STARD9: variants seen among roughly 807,000 people sequenced by gnomAD.
The protein encoded by STARD9 is stAR-related lipid transfer protein 9.
STARD9 carries 346 observed loss-of-function variants against 399.8 expected under a neutral mutation model. The ratio of observed to expected loss-of-function variants is 0.87; its 90% CI spans 0.79 to 0.95. The LOEUF is 0.95. Among genes scored for constraint, STARD9 ranks in the 40% least tolerant of loss-of-function variants. The pLI is 0.00. For missense variants in STARD9, 5,832 were observed against 5,667.5 expected, an observed-to-expected ratio of 1.03 and a Z score of -0.93; for synonymous variants, 2,203 against 2,143.5, an observed-to-expected ratio of 1.03 and a Z score of -0.77.
In STARD9 at chr15:42,692,806, C is replaced by T. The variant is rs1405226633; in HGVS notation, c.11228C>T (p.Pro3743Leu). ...DEGSQTDLTL[P>L]TLCLQTSEAE... ...GGCAGCCAGACTGACCTCACCTTAC[C>T]CACCCTGTGCCTCCAGACTTCAGAG... Residue 3743 changes from proline to leucine, a missense_variant, in exon 23 of 33, where the codon CCC (proline) becomes CTC (leucine). This residue lies in a region of STARD9 where 5,828 missense variants were observed against 5,651.1 expected (regional missense o/e 1.03). Transcript: ENST00000290607. The T allele has an allele frequency of 2.0e-6, 3 of 1,537,174 alleles. No individual in the cohort carries two copies. Among genetic ancestry groups the T allele is most frequent in the South Asian group, 2.4e-5 (2 of 84,042 alleles).
chr15:42,716,332 G>T (rs1166770447), intron 26 of STARD9, among the ~76,000 whole-genome samples: 2 of 151,960 alleles, frequency 1.3e-5, no homozygotes, highest in African/African-American at 4.8e-5. Context: ...CATTCCTGTT[G>T]CCCGGGTGGT....
chr15:42,617,055 G>A (rs1202837312), intron 3 of STARD9, among the ~76,000 whole-genome samples: 1 of 152,112 alleles, frequency 6.6e-6, no homozygotes, highest in Non-Finnish European at 1.5e-5. Context: ...GATCTAAAAT[G>A]CTGGTTTTGA....
intron 26 of STARD9, among the ~76,000 whole-genome samples, chr15:42,713,552 G>T (rs1469819787): frequency 6.6e-6 from 1 of 152,132 alleles, no homozygotes; most frequent in Admixed American, 6.5e-5. Context: ...CCTTTATCAG[G>T]TTGAGGAAAT....
chr15:42,685,245 T>C lies in STARD9; in HGVS notation c.3667T>C (p.Phe1223Leu). 1 of 1,537,330 alleles carries C rather than the reference T, an allele frequency of 6.5e-7. No homozygotes were observed. Among genetic ancestry groups the C allele is most frequent in the Non-Finnish European group, 8.7e-7 (1 of 1,146,930 alleles). Residue 1223 changes from phenylalanine (F) to leucine (L), a missense_variant, in exon 23 of 33, where the codon TTC becomes CTC. Coordinates refer to ENST00000290607, the MANE Select transcript of STARD9 (RefSeq NM_020759.3). ...ELGEDQQEEP[F>L]PGSADEIPTE... The stretch of plus-strand genomic sequence containing the variant: ...GGGGGAAGATCAGCAAGAAGAACCT[T>C]TCCCTGGTTCAGCTGACGAGATACC...
At chr15:42,594,726 A>G (rs975227242) in intron 3 of STARD9, among the ~76,000 whole-genome samples, 1 of 152,334 alleles carries the variant, frequency 6.6e-6, no homozygotes, top group African/African-American at 2.4e-5. Context: ...GGTAGGGGCC[A>G]TGGACTGCAA....
At chr15:42,585,699 G>A (rs1171219527) in intron 3 of STARD9, 62 bp downstream of exon 3, 5 of 1,065,976 alleles carry the variant, frequency 4.7e-6, no homozygotes, top group Non-Finnish European at 6.9e-6. Flanking sequence ...TATTTAAGAT[G>A]TTTATTATAA....
intron 3 of STARD9, among the ~76,000 whole-genome samples, chr15:42,603,489 A>C (rs1355916785): frequency 6.6e-6 from 1 of 152,118 alleles, no homozygotes; most frequent in Non-Finnish European, 1.5e-5. Flanking sequence ...TCTTGTAATC[A>C]CCAGATTACA....
At chr15:42,661,733 A>G (rs2059997334) in intron 10 of STARD9, among the ~76,000 whole-genome samples, 1 of 151,788 alleles carries the variant, frequency 6.6e-6, no homozygotes, top group African/African-American at 2.4e-5. Flanking sequence ...CTGGGATTAC[A>G]AGCGTGAGCC....
At chr15:42,676,010 A>C in intron 20 of STARD9, 35 bp downstream of exon 20, 1 of 774,938 alleles carries the variant, frequency 1.3e-6, no homozygotes, top group East Asian at 6.0e-5. Context: ...TGTGGAACCT[A>C]CTGGGTTCGC....
intron 3 of STARD9, among the ~76,000 whole-genome samples, chr15:42,630,695 G>A (rs370579847): frequency 7.9e-5 from 12 of 151,980 alleles, no homozygotes; most frequent in African/African-American, 2.4e-4. Flanking sequence ...TTTCTTTCTA[G>A]GTTTTCCAAT....
At chr15:42,581,308 C>T in intron 1 of STARD9, 2 of 1,231,184 alleles carry the variant, frequency 1.6e-6, no homozygotes, top group South Asian at 2.5e-5. Context: ...CTGCGAAGAT[C>T]CAACAGAAAC....
chr15:42,711,613 C>T (rs2061225501), intron 26 of STARD9, among the ~76,000 whole-genome samples: 1 of 152,154 alleles, frequency 6.6e-6, no homozygotes, highest in Non-Finnish European at 1.5e-5. Flanking sequence ...AGTGATTTAA[C>T]CCACAACAAG....
At chr15:42,625,893 A>G (rs1158145225) in intron 3 of STARD9, among the ~76,000 whole-genome samples, 4 of 152,044 alleles carry the variant, frequency 2.6e-5, no homozygotes, top group Non-Finnish European at 5.9e-5. Flanking sequence ...CCTTCAAGAC[A>G]TGAAGAAAGA....
At chr15:42,602,304 G>C (rs1341534331) in intron 3 of STARD9, among the ~76,000 whole-genome samples, 2 of 152,080 alleles carry the variant, frequency 1.3e-5, no homozygotes, top group Non-Finnish European at 2.9e-5. Flanking sequence ...AATATTTTGG[G>C]GCATTTCCAG....
At chr15:42,628,696 C>T (rs926421008) in intron 3 of STARD9, among the ~76,000 whole-genome samples, 1 of 152,120 alleles carries the variant, frequency 6.6e-6, no homozygotes, top group Non-Finnish European at 1.5e-5. Flanking sequence ...TGTCTTCTCC[C>T]CTGTGTATGT....
In STARD9 at chr15:42,693,390, C is replaced by T. The variant is rs986340987; in HGVS notation, c.11812C>T (p.Pro3938Ser). The T allele has an allele frequency of 8.5e-6, 13 of 1,537,152 alleles. No individual in the cohort carries two copies. Among genetic ancestry groups the T allele is most frequent in the Non-Finnish European group, 1.1e-5 (13 of 1,146,888 alleles). ...AGGCCACCAGAAGCTTGACTCCAGC[C>T]CAGACCCTGTTGATGCCCCAAGGAC... Reference protein sequence around the residue: ...VEGHQKLDSSPDPVDAPRTPM... With the variant: ...VEGHQKLDSSSDPVDAPRTPM... Residue 3938 changes from proline to serine, a missense_variant, in exon 23 of 33, where the codon CCA (proline) becomes TCA (serine). Pro to Ser is a moderately conservative substitution (Grantham distance 74). Transcript: ENST00000290607.
At chr15:42,651,636 C>T (rs1397210279) in intron 8 of STARD9, among the ~76,000 whole-genome samples, 5 of 150,586 alleles carry the variant, frequency 3.3e-5, no homozygotes, top group African/African-American at 1.2e-4. Context: ...CTAAAAAAGG[C>T]TTTTTTTTTC....
chr15:42,634,768 T>C (rs1341133683), intron 3 of STARD9, 88 bp from the exon 4 acceptor site: 2 of 632,056 alleles, frequency 3.2e-6, no homozygotes, highest in East Asian at 5.8e-5. Flanking sequence ...TTTGAAATAT[T>C]TTATATTTTT....
At position 42,684,292 on chromosome 15, in the gene STARD9, C is replaced by G. The variant is rs747831347; in HGVS notation, c.2714C>G (p.Thr905Arg). ...LHSSGHGQPCTARAALARKGA... is the reference protein window; with the variant it reads ...LHSSGHGQPCRARAALARKGA... Reference sequence around the variant, plus strand: ...TCCTCAGGTCATGGGCAGCCCTGCACAGCCAGAGCAGCCTTGGCCAGGAAG... The same window carrying G: ...TCCTCAGGTCATGGGCAGCCCTGCAGAGCCAGAGCAGCCTTGGCCAGGAAG... The change falls in exon 23 of 33, where the codon ACA becomes AGA. Residue 905 changes from threonine (T) to arginine (R), a missense_variant. Thr to Arg is a moderately conservative substitution (Grantham distance 71). Coordinates refer to ENST00000290607, the MANE Select transcript of STARD9 (RefSeq NM_020759.3). 10 of 1,537,102 alleles carry G rather than the reference C, an allele frequency of 6.5e-6. No individual in the cohort carries two copies. The highest frequency in any genetic ancestry group is 8.7e-6 in the Non-Finnish European group (10 of 1,146,850).
Sources: allele counts gnomAD v4.1 joint callset (sites outside exome capture counted in the v4.1 genomes callset), GRCh38; gene constraint gnomAD v4.1.1; regional missense constraint gnomAD v4.1.1; transcripts MANE v1.5; gene names NCBI Gene and HGNC (gene_info 2026-07-23, HGNC 2026-07-21).